Variants in ANXA4 observed in about 807,000 individuals in gnomAD.
The protein encoded by ANXA4 is 35-beta calcimedin.
In ANXA4, 39 loss-of-function variants were observed where a neutral mutation model predicts 49.8. The ratio of observed to expected loss-of-function variants is 0.78; its 90% confidence interval spans 0.61 to 1.02. The LOEUF (loss-of-function observed/expected upper bound fraction) is 1.02. ANXA4 is among the 50% of genes least tolerant of loss of function. ANXA4 has a pLI of 0.00. For synonymous variants in ANXA4, 134 were observed against 152.5 expected (o/e 0.88, Z 0.89); for missense variants, 360 against 410.1 (o/e 0.88, Z 1.05).
intron 2 of ANXA4, among the ~76,000 whole-genome samples, chr2:69,710,306 C>T (rs1026602197): frequency 6.6e-6 from 1 of 152,048 alleles, no homozygotes; most frequent in African/African-American, 2.4e-5. Context: ...TTTTTAAATG[C>T]ATTGCTGATA....
At chr2:69,805,737 C>G (rs188574398) in intron 4 of ANXA4, among the ~76,000 whole-genome samples, 3 of 152,220 alleles carry the variant, frequency 2.0e-5, no homozygotes, top group Middle Eastern at 3.4e-3. Flanking sequence ...ACATTTACAT[C>G]GGTGTCTACA....
intron 2 of ANXA4, among the ~76,000 whole-genome samples, chr2:69,670,485 G>C: frequency 7.0e-6 from 1 of 142,832 alleles, no homozygotes; most frequent in East Asian, 2.0e-4. Flanking sequence ...TGCTAAAATA[G>C]AGATGGCGAC....
Position 69,734,343 on chromosome 2 carries a change from G to A in ANXA4, n.864+13472G>A, listed in dbSNP as rs181944360. Among the ~76,000 whole-genome samples the A allele has an allele frequency of 6.9e-3, 1,043 of 152,218 alleles. 11 individuals are homozygous for A. Among genetic ancestry groups the A allele is most frequent in the African/African-American group, 0.014 (579 of 41,508 alleles). On this transcript the variant is annotated intron_variant and non_coding_transcript_variant, in intron 3 of 3. Transcript: ENST00000418066. ...CTGACCTCACAAGCTAACTGCCTTC[G>A]TGCATTCCTGCATGTAGACTAAGCT...
chr2:69,727,512 T>C (rs1260027663), intron 3 of ANXA4, among the ~76,000 whole-genome samples: 1 of 146,290 alleles, frequency 6.8e-6, no homozygotes, highest in African/African-American at 2.8e-5. Flanking sequence ...AGTTGAGCAT[T>C]TTTTTTTAAT....
chr2:69,754,126 G>A (rs1318688943), intron 1 of ANXA4, among the ~76,000 whole-genome samples: 1 of 152,222 alleles, frequency 6.6e-6, no homozygotes. Context: ...GGATGGTTTT[G>A]AGAACTCTGC....
Position 69,788,148 on chromosome 2 carries a change from G to A in ANXA4, c.97+7G>A, listed in dbSNP as rs760294673. 4 of 1,612,414 alleles carry A rather than the reference G, an allele frequency of 2.5e-6. No individual in the cohort carries two copies. Among genetic ancestry groups the A allele is most frequent in the Non-Finnish European group, 3.4e-6 (4 of 1,178,572 alleles). On this transcript the variant is annotated splice_region_variant and intron_variant, in intron 3 of 12. Coordinates refer to ENST00000394295, the MANE Select transcript of ANXA4 (RefSeq NM_001153.5). ...AAGGCCATGAAAGGGCTCGGTATGT[G>A]TCCTGCTGGAAGTGAATCCTCCTGC...
chr2:69,804,425 T>C (rs1673346437), intron 3 of ANXA4, 108 bp from the exon 4 acceptor site: 1 of 961,816 alleles, frequency 1.0e-6, no homozygotes. Flanking sequence ...CCTCTTTTCT[T>C]AGAAAGCCCT....
chr2:69,777,664 T>C (rs1376444625), intron 1 of ANXA4, among the ~76,000 whole-genome samples: 1 of 152,214 alleles, frequency 6.6e-6, no homozygotes, highest in Non-Finnish European at 1.5e-5. Flanking sequence ...TGTCCATCCT[T>C]CAAACACAGT....
chr2:69,761,698 A>G (rs1671294335), intron 1 of ANXA4, among the ~76,000 whole-genome samples: 1 of 151,438 alleles, frequency 6.6e-6, no homozygotes, highest in South Asian at 2.1e-4. Flanking sequence ...AGGTGGTAGG[A>G]TCGCTTGAGC....
At chr2:69,714,990 A>G (rs1678831271) in intron 2 of ANXA4, among the ~76,000 whole-genome samples, 1 of 152,188 alleles carries the variant, frequency 6.6e-6, no homozygotes. Context: ...ACAGAAGACT[A>G]CATAATAACA....
At chr2:69,751,507 CAAAAAA>C (rs71397349) in intron 1 of ANXA4, among the ~76,000 whole-genome samples, 3 of 96,844 alleles carry the variant, frequency 3.1e-5, no homozygotes, top group Admixed American at 1.1e-4. Flanking sequence ...GACCCTGTCT[CAAAAAA>C]AAAAAAAAAA....
At chr2:69,747,723 T>A (rs1670668895) in intron 1 of ANXA4, among the ~76,000 whole-genome samples, 1 of 152,206 alleles carries the variant, frequency 6.6e-6, no homozygotes, top group Non-Finnish European at 1.5e-5. Flanking sequence ...TCTTGCTCTG[T>A]AGTCCAGCCT....
chr2:69,727,724 G>A (rs1013788121), intron 3 of ANXA4, among the ~76,000 whole-genome samples: 2 of 152,070 alleles, frequency 1.3e-5, no homozygotes, highest in African/African-American at 2.4e-5. Context: ...TTGATATCTC[G>A]ATATCTTACA....
chr2:69,649,435 TC>T (rs1158842462), intron 1 of ANXA4, among the ~76,000 whole-genome samples: 3 of 151,454 alleles, frequency 2.0e-5, no homozygotes, highest in Non-Finnish European at 4.4e-5. Context: ...TTTATTTTTT[TC>T]ATTCCATAGT....
intron 1 of ANXA4, among the ~76,000 whole-genome samples, chr2:69,756,993 C>T (rs1213558170): frequency 1.4e-5 from 2 of 148,084 alleles, no homozygotes; most frequent in African/African-American, 5.0e-5. Flanking sequence ...AGTGGACCAT[C>T]TCGGCTCACT....
intron 2 of ANXA4, among the ~76,000 whole-genome samples, chr2:69,670,690 G>A (rs971235336): frequency 2.6e-5 from 4 of 151,776 alleles, no homozygotes; most frequent in African/African-American, 4.8e-5. Flanking sequence ...GTTATCTACG[G>A]AAAAAATGAA....
chr2:69,648,933 T>C (rs969251434), intron 1 of ANXA4, among the ~76,000 whole-genome samples: 16 of 142,146 alleles, frequency 1.1e-4, no homozygotes, highest in Non-Finnish European at 2.2e-4. Flanking sequence ...TTACCCAGGC[T>C]GGAGTGCAAT....
At chr2:69,770,008 T>C (rs186195139) in intron 1 of ANXA4, among the ~76,000 whole-genome samples, 245 of 152,296 alleles carry the variant, frequency 1.6e-3, no homozygotes, top group Non-Finnish European at 2.7e-3. Flanking sequence ...AGGATTATTA[T>C]TGCCCTCAAC....
intron 3 of ANXA4, among the ~76,000 whole-genome samples, chr2:69,792,692 A>G: frequency 6.6e-6 from 1 of 152,106 alleles, no homozygotes; most frequent in East Asian, 1.9e-4. Context: ...ATGCCCTCTT[A>G]TAATCTTTAA....
Sources: allele counts gnomAD v4.1 joint callset (sites outside exome capture counted in the v4.1 genomes callset), GRCh38; gene constraint gnomAD v4.1.1; transcripts MANE v1.5; gene names NCBI Gene and HGNC (gene_info 2026-07-23, HGNC 2026-07-21).